The following AFG2A variants were observed in gnomAD, a reference collection of about 807,000 sequenced individuals.
AFG2A encodes AAA ATPase AFG2A.
chr4:123,220,870 G>T, the AFG2A span, among the ~76,000 whole-genome samples: 1 of 151,942 alleles, frequency 6.6e-6, no homozygotes, highest in African/African-American at 2.4e-5. Flanking sequence ...GTGTAAGATT[G>T]GCACATGTTT....
At chr4:123,312,989 C>T in the AFG2A span, among the ~76,000 whole-genome samples, 38 of 152,246 alleles carry the variant, frequency 2.5e-4, 1 homozygote, top group Middle Eastern at 0.014. Flanking sequence ...AATATAAGGG[C>T]GCAGTCAATA....
chr4:123,199,462 G>GTTTTTT, the AFG2A span, among the ~76,000 whole-genome samples: 6 of 47,442 alleles, frequency 1.3e-4, no homozygotes, highest in African/African-American at 2.5e-4. Context: ...ATACTCAGAG[G>GTTTTTT]TTTTTTTTTT....
chr4:123,196,082 G>A, the AFG2A span, among the ~76,000 whole-genome samples: 1 of 149,586 alleles, frequency 6.7e-6, no homozygotes, highest in African/African-American at 2.5e-5. Flanking sequence ...CTCACTGCAA[G>A]CTCCGCCTCC....
At chr4:122,945,725 T>G in the AFG2A span, among the ~76,000 whole-genome samples, 1 of 152,178 alleles carries the variant, frequency 6.6e-6, no homozygotes, top group Non-Finnish European at 1.5e-5. Context: ...AGAAATCACC[T>G]GTCTTCTGTG....
chr4:123,224,051 G>T, the AFG2A span, among the ~76,000 whole-genome samples: 18 of 152,106 alleles, frequency 1.2e-4, no homozygotes, highest in African/African-American at 4.1e-4. Context: ...ACAGCTTTAA[G>T]TCATATGTTT....
At chr4:123,194,245 T>C in the AFG2A span, among the ~76,000 whole-genome samples, 5 of 152,220 alleles carry the variant, frequency 3.3e-5, no homozygotes, top group African/African-American at 1.2e-4. Flanking sequence ...TTGGTTTCCC[T>C]GGGCCATGCT....
At chr4:123,205,478 A>G in the AFG2A span, among the ~76,000 whole-genome samples, 16 of 152,352 alleles carry the variant, frequency 1.1e-4, no homozygotes, top group East Asian at 3.1e-3. Flanking sequence ...ATAATGCAAC[A>G]ATCAAAAATT....
the AFG2A span, among the ~76,000 whole-genome samples, chr4:123,097,985 AAAT>A: frequency 6.6e-6 from 1 of 152,110 alleles, no homozygotes; most frequent in Non-Finnish European, 1.5e-5. Flanking sequence ...CAGTCCTCAT[AAAT>A]AAAGCTTTAT....
the AFG2A span, chr4:122,934,600 A>T: frequency 6.2e-7 from 1 of 1,613,986 alleles, no homozygotes; most frequent in Non-Finnish European, 8.5e-7. Flanking sequence ...TTTTACAGAG[A>T]TTGATAAAAA....
At chr4:122,926,094 C>T in the AFG2A span, among the ~76,000 whole-genome samples, 24 of 152,196 alleles carry the variant, frequency 1.6e-4, no homozygotes, top group African/African-American at 5.5e-4. Flanking sequence ...GCAGAGAACA[C>T]GTTGGTGATG....
chr4:123,013,373 C>T, the AFG2A span, among the ~76,000 whole-genome samples: 1,833 of 152,262 alleles, frequency 0.012, 42 homozygotes, highest in African/African-American at 0.041. Context: ...ACCTTTTTCA[C>T]CTGACCACAT....
chr4:122,938,240 C>T, the AFG2A span: 15 of 1,597,206 alleles, frequency 9.4e-6, no homozygotes, highest in Non-Finnish European at 1.3e-5. Flanking sequence ...TGATGGATGG[C>T]ATTGGTTCAG....
the AFG2A span, among the ~76,000 whole-genome samples, chr4:122,978,108 C>T: frequency 8.6e-5 from 13 of 151,762 alleles, no homozygotes; most frequent in Admixed American, 4.6e-4. Flanking sequence ...TATCTGGCAT[C>T]CCAGCTAGTG....
chr4:122,952,961 A>G, the AFG2A span, among the ~76,000 whole-genome samples: 2 of 152,144 alleles, frequency 1.3e-5, no homozygotes, highest in African/African-American at 4.8e-5. Context: ...CCAGTAATCT[A>G]GTGTCATTGT....
At chr4:123,290,310 T>C in the AFG2A span, among the ~76,000 whole-genome samples, 2 of 152,202 alleles carry the variant, frequency 1.3e-5, no homozygotes, top group Non-Finnish European at 2.9e-5. Flanking sequence ...AGGTTTTCTT[T>C]AGTATTTTTA....
chr4:123,137,743 G>A, the AFG2A span, among the ~76,000 whole-genome samples: 8,824 of 151,992 alleles, frequency 0.058, 504 homozygotes, highest in East Asian at 0.26. Context: ...GTTTGCTTCC[G>A]TTTTTCATTC....
At chr4:123,309,922 G>A in the AFG2A span, among the ~76,000 whole-genome samples, 1 of 152,196 alleles carries the variant, frequency 6.6e-6, no homozygotes, top group African/African-American at 2.4e-5. Flanking sequence ...CGGAAATGCT[G>A]GCGTGGACCA....
the AFG2A span, among the ~76,000 whole-genome samples, chr4:123,101,391 C>T: frequency 2.0e-5 from 3 of 151,794 alleles, no homozygotes; most frequent in Non-Finnish European, 3.0e-5. Flanking sequence ...AGTGAGCAGA[C>T]TTATATTCAT....
the AFG2A span, among the ~76,000 whole-genome samples, chr4:122,940,136 A>G: frequency 1.8e-3 from 276 of 152,068 alleles, 1 homozygote; most frequent in Middle Eastern, 0.01. Context: ...TAGTCCTTTG[A>G]GTATATACCC....
Sources: allele counts gnomAD v4.1 joint callset (sites outside exome capture counted in the v4.1 genomes callset), GRCh38; gene constraint gnomAD v4.1.1; transcripts MANE v1.5; gene names NCBI Gene and HGNC (gene_info 2026-07-23, HGNC 2026-07-21).